The following ARMH3 variants were observed in gnomAD, a reference collection of about 807,000 sequenced individuals.
ARMH3 encodes armadillo like helical domain containing 3, also known as armadillo-like helical domain-containing protein 3.
ARMH3 carries 60 observed loss-of-function variants against 99.1 expected under a neutral mutation model. The ratio of observed to expected loss-of-function variants is 0.61; its 90% confidence interval spans 0.49 to 0.75. The LOEUF is 0.75. Among genes scored for constraint, ARMH3 ranks in the 30% least tolerant of loss-of-function variants. The probability of loss-of-function intolerance (pLI) is 0.00; values close to 1 mark genes in which losing one functional copy is unlikely to be tolerated. For missense variants in ARMH3, 679 were observed against 843.1 expected, an observed-to-expected ratio of 0.81 and a Z score of 2.41; for synonymous variants, 285 against 292.8, an observed-to-expected ratio of 0.97 and a Z score of 0.27.
chr10:101,995,333 G>T lies in ARMH3; in HGVS notation c.1173C>A (p.Gly391=), dbSNP rs1847006957. 6.2e-7 allele frequency: 1 copy of T among 1,613,772 alleles called. No homozygotes were observed. ...DTKDEHRLHS[G]KLCLIILTCI... ...ATGTAAGGATAATCAGACAGAGTTT[G>T]CCACTGTGAAGCCTGTGTTCATCTG... Residue 391 remains glycine, a synonymous_variant, in exon 16 of 26, where the codon GGC becomes GGA. Coordinates refer to ENST00000370033, the MANE Select transcript of ARMH3 (RefSeq NM_024541.3).
chr10:101,993,006 C>A (rs1228972517), intron 17 of ARMH3, among the ~76,000 whole-genome samples: 1 of 152,024 alleles, frequency 6.6e-6, no homozygotes, highest in Non-Finnish European at 1.5e-5. Context: ...CGCGGTGGCT[C>A]ACACCTGTAA....
chr10:101,954,947 C>G (rs1564790227), intron 22 of ARMH3, among the ~76,000 whole-genome samples: 1 of 152,124 alleles, frequency 6.6e-6, no homozygotes, highest in African/African-American at 2.4e-5. Context: ...GTATGTCAGA[C>G]TTTTATAAAA....
At chr10:101,987,899 T>G (rs935580092) in intron 19 of ARMH3, among the ~76,000 whole-genome samples, 1 of 152,082 alleles carries the variant, frequency 6.6e-6, no homozygotes, top group African/African-American at 2.4e-5. Context: ...AGCCTTAAGG[T>G]TTTTTTTAAT....
chr10:101,931,223 G>T (rs1843707258), intron 23 of ARMH3, among the ~76,000 whole-genome samples: 1 of 152,198 alleles, frequency 6.6e-6, no homozygotes, highest in South Asian at 2.1e-4. Flanking sequence ...CTGAGCTGTA[G>T]TTATCTCAGA....
In ARMH3 at chr10:102,040,042, C is replaced by T. The variant is rs1167900548; in HGVS notation, c.73G>A (p.Val25Met). 6.2e-7 allele frequency: 1 copy of T among 1,614,082 alleles called. No individual in the cohort carries two copies. The highest frequency in any genetic ancestry group is 8.5e-7 in the Non-Finnish European group (1 of 1,180,034). Residue 25 changes from valine to methionine, a missense_variant, in exon 2 of 26, where the codon GTG becomes ATG. Physicochemically the swap from Val to Met is conservative, Grantham distance 21. This residue lies in a region of ARMH3 where 280 missense variants were observed against 354.6 expected (regional missense o/e 0.79). Coordinates refer to ENST00000370033, the MANE Select transcript of ARMH3 (RefSeq NM_024541.3). The part of the protein sequence containing the change: ...SASKKPLKEK[V>M]VLMYDEIFMT... Reference sequence around the variant, plus strand: ...AAGATCTCATCATACATCAGCACCACTTTTTCCTTCAGTGGTTTTTTGGAG... The same window carrying T: ...AAGATCTCATCATACATCAGCACCATTTTTTCCTTCAGTGGTTTTTTGGAG...
chr10:101,872,337 A>G (rs570889274), intron 24 of ARMH3, among the ~76,000 whole-genome samples: 2 of 152,168 alleles, frequency 1.3e-5, no homozygotes, highest in East Asian at 3.9e-4. Flanking sequence ...AAGAAGAACA[A>G]CCAAATTTTA....
At chr10:101,913,630 T>C (rs1842960895) in intron 23 of ARMH3, among the ~76,000 whole-genome samples, 1 of 152,154 alleles carries the variant, frequency 6.6e-6, no homozygotes, top group African/African-American at 2.4e-5. Flanking sequence ...CCTCCCAAAG[T>C]GCTGGGATTA....
chr10:101,971,334 T>G (rs1174687142), intron 20 of ARMH3, among the ~76,000 whole-genome samples: 1 of 151,950 alleles, frequency 6.6e-6, no homozygotes, highest in Non-Finnish European at 1.5e-5. Context: ...ATCCCAGCAC[T>G]TTGGGAGACA....
intron 13 of ARMH3, among the ~76,000 whole-genome samples, chr10:102,007,395 G>C (rs12356299): frequency 6.7e-6 from 1 of 149,760 alleles, no homozygotes; most frequent in Non-Finnish European, 1.5e-5. Context: ...CAAGAGAGCA[G>C]AGAACATTTG....
intron 22 of ARMH3, among the ~76,000 whole-genome samples, chr10:101,940,286 C>A (rs1335313643): frequency 3.3e-5 from 5 of 152,100 alleles, no homozygotes; most frequent in Admixed American, 3.3e-4. Context: ...AAACTTGTTG[C>A]CATATCTATC....
chr10:102,036,141 C>T lies in ARMH3; in HGVS notation c.103-2802G>A, dbSNP rs543441793. 2.7e-5 allele frequency among the ~76,000 whole-genome samples: 4 copies of T among 149,152 alleles called. 1 individual carries two copies. In the South Asian group the frequency reaches 8.5e-4, roughly 32 times the overall value. Reference sequence around the variant, plus strand: ...GGGGGGCAGCCCCCGCCCGGCCAGCCGCCCCATCCGGGAGGGAGGTGGGGG... The same window carrying T: ...GGGGGGCAGCCCCCGCCCGGCCAGCTGCCCCATCCGGGAGGGAGGTGGGGG... On this transcript the variant is annotated intron_variant, in intron 2 of 25. Coordinates refer to ENST00000370033, the MANE Select transcript of ARMH3 (RefSeq NM_024541.3).
At chr10:101,993,446 C>T (rs1846901892) in intron 17 of ARMH3, 92 bp downstream of exon 17, 4 of 934,292 alleles carry the variant, frequency 4.3e-6, no homozygotes, top group Admixed American at 2.5e-5. Context: ...TTTCCACCCA[C>T]ATTTGTTCTA....
chr10:101,981,531 A>G (rs1027241449), intron 19 of ARMH3, among the ~76,000 whole-genome samples: 4 of 152,238 alleles, frequency 2.6e-5, no homozygotes, highest in African/African-American at 9.6e-5. Flanking sequence ...TTTATAAGCT[A>G]AAGTCCTAAA....
At position 101,912,468 on chromosome 10, in the gene ARMH3, T is replaced by TA. The variant is rs1281073081; in HGVS notation, c.1782-22979dup. Among the ~76,000 whole-genome samples, 12 of 151,248 alleles carry TA rather than the reference T, an allele frequency of 7.9e-5. No individual in the cohort carries two copies. In the South Asian group the frequency reaches 1.0e-3, roughly 13 times the overall value. The stretch of plus-strand genomic sequence containing the variant: ...ACATAACATGCTGAGTTCATGATAC[T>TA]AAAAAAGAGAAAAATTTCATTAGAT... On this transcript the variant is annotated intron_variant, in intron 23 of 25. Coordinates refer to ENST00000370033, the MANE Select transcript of ARMH3 (RefSeq NM_024541.3).
chr10:102,009,955 C>T (rs750087763), intron 12 of ARMH3, 22 bp downstream of exon 12: 1 of 1,610,870 alleles, frequency 6.2e-7, no homozygotes, highest in Non-Finnish European at 8.5e-7. Flanking sequence ...CAAGTCACTG[C>T]ACAAGAATGT....
At chr10:101,992,427 C>T (rs1846842010) in intron 17 of ARMH3, among the ~76,000 whole-genome samples, 1 of 151,448 alleles carries the variant, frequency 6.6e-6, no homozygotes. Flanking sequence ...GTGATGGTGC[C>T]ACCTATAGAA....
At chr10:101,880,522 G>C (rs2067385712) in intron 24 of ARMH3, among the ~76,000 whole-genome samples, 1 of 152,118 alleles carries the variant, frequency 6.6e-6, no homozygotes, top group Non-Finnish European at 1.5e-5. Context: ...ACAGAGGCTT[G>C]GCTTGTGAGA....
chr10:101,998,750 G>A lies in ARMH3; in HGVS notation c.1150+3221C>T, dbSNP rs571488918. ...CTTTCAGCTCCATTCTTAGACTTCT[G>A]AAAACTCTCCAACCAGAAACCTACC... On this transcript the variant is annotated intron_variant, in intron 15 of 25. Coordinates refer to ENST00000370033, the MANE Select transcript of ARMH3 (RefSeq NM_024541.3). 3.3e-4 allele frequency among the ~76,000 whole-genome samples: 50 copies of A among 152,074 alleles called. 1 individual carries two copies. Among genetic ancestry groups the A allele is most frequent in the Admixed American group, 1.2e-3 (19 of 15,266 alleles).
intron 24 of ARMH3, among the ~76,000 whole-genome samples, chr10:101,869,108 T>C (rs2067074486): frequency 6.6e-6 from 1 of 150,776 alleles, no homozygotes; most frequent in East Asian, 1.9e-4. Context: ...TTCTGGTCAA[T>C]AGTAGGCTAT....
Sources: allele counts gnomAD v4.1 joint callset (sites outside exome capture counted in the v4.1 genomes callset), GRCh38; gene constraint gnomAD v4.1.1; regional missense constraint gnomAD v4.1.1; transcripts MANE v1.5; gene names NCBI Gene and HGNC (gene_info 2026-07-23, HGNC 2026-07-21).